GATAD2A: variants seen among roughly 807,000 people sequenced by gnomAD.
The protein encoded by GATAD2A is transcriptional repressor p66-alpha.
GATAD2A carries 12 observed loss-of-function variants against 68.5 expected under a neutral mutation model. That is an observed-to-expected ratio of 0.18 (90% CI 0.11 to 0.28). GATAD2A has a LOEUF of 0.28. GATAD2A is among the 10% of genes least tolerant of loss of function. The probability of loss-of-function intolerance (pLI) is 1.00; values close to 1 mark genes in which losing one functional copy is unlikely to be tolerated. For missense variants in GATAD2A, 755 were observed against 868.5 expected (o/e 0.87, Z 1.64); for synonymous variants, 410 against 375.3 (o/e 1.09, Z -1.07).
At chr19:19,421,192 G>A (rs2052376038) in intron 1 of GATAD2A, among the ~76,000 whole-genome samples, 1 of 152,194 alleles carries the variant, frequency 6.6e-6, no homozygotes. Context: ...GTTAGTGCTG[G>A]CATAGGGGTT....
intron 2 of GATAD2A, among the ~76,000 whole-genome samples, chr19:19,487,523 G>C (rs1267671909): frequency 6.6e-6 from 1 of 152,098 alleles, no homozygotes; most frequent in East Asian, 1.9e-4. Context: ...CTGGGCTGGG[G>C]GTGGCTAAGG....
At chr19:19,412,067 C>T (rs1265977189) in intron 1 of GATAD2A, among the ~76,000 whole-genome samples, 1 of 149,676 alleles carries the variant, frequency 6.7e-6, no homozygotes, top group Non-Finnish European at 1.5e-5. Flanking sequence ...AGCAATCCCC[C>T]ATCTCTCTCT....
At chr19:19,474,242 C>T (rs1247052127) in intron 2 of GATAD2A, 1 of 831,970 alleles carries the variant, frequency 1.2e-6, no homozygotes, top group East Asian at 1.2e-4. Flanking sequence ...TGGAATTGCC[C>T]CCAACCCCGA....
intron 7 of GATAD2A, among the ~76,000 whole-genome samples, chr19:19,497,797 G>A (rs1226140629): frequency 6.6e-6 from 1 of 152,182 alleles, no homozygotes; most frequent in African/African-American, 2.4e-5. Flanking sequence ...GGGTTTCAGG[G>A]AGAGCCCTAT....
chr19:19,422,773 G>A (rs1448262817), intron 1 of GATAD2A, among the ~76,000 whole-genome samples: 1 of 149,534 alleles, frequency 6.7e-6, no homozygotes, highest in African/African-American at 2.5e-5. Context: ...GTGCAGTGAC[G>A]CGATCTTGGC....
intron 11 of GATAD2A, 92 bp from the exon 12 acceptor site, chr19:19,505,252 T>C (rs745584598): frequency 1.6e-5 from 20 of 1,264,472 alleles, no homozygotes; most frequent in South Asian, 2.5e-5. Context: ...TTAGTCTGTA[T>C]TGGGGCTGGG....
chr19:19,411,493 G>A (rs2050915916), intron 1 of GATAD2A, among the ~76,000 whole-genome samples: 1 of 152,212 alleles, frequency 6.6e-6, no homozygotes, highest in Admixed American at 6.5e-5. Context: ...GAAGTAGGTG[G>A]TTTGATGGTA....
chr19:19,429,404 C>T (rs1347292628), intron 1 of GATAD2A, among the ~76,000 whole-genome samples: 1 of 151,890 alleles, frequency 6.6e-6, no homozygotes, highest in Non-Finnish European at 1.5e-5. Flanking sequence ...GAAAGGAGGC[C>T]AGGTGGTTGG....
chr19:19,391,868 A>T (rs2048864064), intron 1 of GATAD2A, among the ~76,000 whole-genome samples: 1 of 152,214 alleles, frequency 6.6e-6, no homozygotes, highest in Non-Finnish European at 1.5e-5. Context: ...TGTTGGAGAC[A>T]GCACTGGGGG....
chr19:19,388,962 C>T (rs1568686716), intron 1 of GATAD2A, among the ~76,000 whole-genome samples: 2 of 152,036 alleles, frequency 1.3e-5, no homozygotes, highest in African/African-American at 2.4e-5. Flanking sequence ...GATCCAGAAA[C>T]AGGGGAAGGG....
intron 1 of GATAD2A, among the ~76,000 whole-genome samples, chr19:19,439,172 G>A (rs187818083): frequency 1.3e-5 from 2 of 152,336 alleles, no homozygotes; most frequent in East Asian, 1.9e-4. Flanking sequence ...TCCCACTTGT[G>A]TGTACATTTA....
At position 19,465,500 on chromosome 19, in the gene GATAD2A, C is replaced by T. The variant is rs773127387; in HGVS notation, c.155C>T (p.Pro52Leu). Reference protein sequence around the residue: ...TDGDMRVTPEPGAGPTQGLLR... With the variant: ...TDGDMRVTPELGAGPTQGLLR... The stretch of plus-strand genomic sequence containing the variant: ...GGAGACATGAGGGTGACACCTGAGC[C>T]GGGAGCAGGTCCAACCCAAGGATTG... The change falls in exon 2 of 12, where the codon CCG (proline) becomes CTG (leucine). Residue 52 changes from proline to leucine, a missense_variant. Pro to Leu is a moderately conservative substitution (Grantham distance 98, BLOSUM62 -3). Coordinates refer to ENST00000683918, the MANE Select transcript of GATAD2A (RefSeq NM_001384528.1). 1.3e-5 allele frequency: 21 copies of T among 1,613,924 alleles called. No homozygotes were observed. Among genetic ancestry groups the T allele is most frequent in the Middle Eastern group, 1.6e-4 (1 of 6,084 alleles).
At chr19:19,411,966 C>T (rs893757178) in intron 1 of GATAD2A, among the ~76,000 whole-genome samples, 5 of 152,164 alleles carry the variant, frequency 3.3e-5, no homozygotes, top group African/African-American at 9.6e-5. Flanking sequence ...AGGCCGGGCG[C>T]GGCAGCTCAC....
At position 19,505,038 on chromosome 19, in the gene GATAD2A, G is replaced by A. The variant is rs866895791; in HGVS notation, c.1775-306G>A. The stretch of plus-strand genomic sequence containing the variant: ...GTTTTCCACTGTTCTAAGCAGCACC[G>A]TGGTCAGCACCTTCATTTCTGTAGA... On this transcript the variant is annotated intron_variant, in intron 11 of 11. Coordinates refer to ENST00000683918, the MANE Select transcript of GATAD2A (RefSeq NM_001384528.1). Among the ~76,000 whole-genome samples the A allele has an allele frequency of 5.3e-5, 8 of 152,168 alleles. No individual in the cohort carries two copies. In the South Asian group the frequency reaches 1.4e-3, roughly 28 times the overall value.
At chr19:19,436,211 C>T (rs375881610) in intron 1 of GATAD2A, 31 of 1,363,230 alleles carry the variant, frequency 2.3e-5, no homozygotes, top group Admixed American at 3.8e-5. Flanking sequence ...CCCCATACCC[C>T]GAAGCCAGGT....
At chr19:19,467,946 T>A (rs2058004047) in intron 2 of GATAD2A, among the ~76,000 whole-genome samples, 1 of 152,220 alleles carries the variant, frequency 6.6e-6, no homozygotes, top group Non-Finnish European at 1.5e-5. Flanking sequence ...TTTTTCTCTC[T>A]CAGTCTCCCA....
At chr19:19,462,434 G>C (rs1238314135) in intron 1 of GATAD2A, among the ~76,000 whole-genome samples, 3 of 152,258 alleles carry the variant, frequency 2.0e-5, no homozygotes, top group African/African-American at 4.8e-5. Flanking sequence ...TTCCTGAGGT[G>C]GGGGAGGGGT....
chr19:19,497,275 T>C (rs1016514288), intron 7 of GATAD2A, among the ~76,000 whole-genome samples: 4 of 152,220 alleles, frequency 2.6e-5, no homozygotes, highest in Admixed American at 6.5e-5. Flanking sequence ...ATTGTATTTT[T>C]AGTCAAGACA....
intron 1 of GATAD2A, among the ~76,000 whole-genome samples, chr19:19,406,233 G>A (rs952351128): frequency 8.7e-6 from 1 of 114,872 alleles, no homozygotes; most frequent in Non-Finnish European, 1.6e-5. Flanking sequence ...GGCGGCCCGG[G>A]CACGTGGGGG....
Sources: gnomAD v4.1 joint callset for allele counts (sites outside exome capture counted in the v4.1 genomes callset) on GRCh38, gnomAD v4.1.1 for gene constraint, MANE v1.5 for transcripts, NCBI Gene and HGNC (gene_info 2026-07-23, HGNC 2026-07-21) for gene names.